Variants in RNF13 observed in about 807,000 individuals in gnomAD.
RNF13 encodes the protein ring finger protein 13, also known as E3 ubiquitin-protein ligase RNF13.
RNF13 carries 19 observed loss-of-function variants against 37.7 expected under a neutral mutation model. The ratio of observed to expected loss-of-function variants is 0.50; its 90% CI spans 0.35 to 0.74. The LOEUF (loss-of-function observed/expected upper bound fraction) is 0.74, where lower values mean the gene tolerates loss of function less well. Ranked by LOEUF, RNF13 falls within the 30% of genes least tolerant of loss-of-function variation. RNF13 has a pLI of 0.01. For synonymous variants in RNF13, 144 were observed against 157.8 expected (o/e 0.91, Z 0.65); for missense variants, 375 against 453.0 (o/e 0.83, Z 1.56).
At chr3:149,866,405 G>A (rs1234861065) in intron 3 of RNF13, among the ~76,000 whole-genome samples, 1 of 152,228 alleles carries the variant, frequency 6.6e-6, no homozygotes, top group African/African-American at 2.4e-5. Flanking sequence ...AAAGTGTCAT[G>A]GCGCTGGTGG....
chr3:149,931,051 G>A (rs1325548074), intron 8 of RNF13, among the ~76,000 whole-genome samples: 1 of 151,644 alleles, frequency 6.6e-6, no homozygotes, highest in African/African-American at 2.4e-5. Flanking sequence ...GGTTGTGTGT[G>A]TGTTTTTGTT....
chr3:149,873,312 C>G (rs1205137158), intron 4 of RNF13, among the ~76,000 whole-genome samples: 1 of 152,084 alleles, frequency 6.6e-6, no homozygotes, highest in African/African-American at 2.4e-5. Context: ...TTATAACTTT[C>G]CTTTATAGGC....
At chr3:149,906,461 A>G (rs2108509493) in intron 6 of RNF13, among the ~76,000 whole-genome samples, 2 of 152,242 alleles carry the variant, frequency 1.3e-5, no homozygotes, top group Middle Eastern at 6.8e-3. Flanking sequence ...CCAGCAATGT[A>G]TGAGGGTTCC....
intron 7 of RNF13, among the ~76,000 whole-genome samples, chr3:149,914,283 G>T (rs1003711846): frequency 5.3e-5 from 8 of 151,816 alleles, no homozygotes; most frequent in African/African-American, 1.9e-4. Flanking sequence ...CCCAGCCCTA[G>T]CATCAGACCT....
intron 6 of RNF13, among the ~76,000 whole-genome samples, chr3:149,906,489 G>A (rs917623157): frequency 4.0e-5 from 6 of 151,882 alleles, no homozygotes; most frequent in African/African-American, 1.5e-4. Flanking sequence ...CCTTCCAAAG[G>A]AATTTAATAA....
intron 2 of RNF13, among the ~76,000 whole-genome samples, chr3:149,852,024 C>T (rs1723166120): frequency 6.6e-6 from 1 of 152,114 alleles, no homozygotes; most frequent in African/African-American, 2.4e-5. Context: ...CAGTGTTCAA[C>T]CCTGGATAAA....
At chr3:149,858,712 T>A (rs545218605) in intron 3 of RNF13, among the ~76,000 whole-genome samples, 2 of 152,364 alleles carry the variant, frequency 1.3e-5, no homozygotes, top group African/African-American at 4.8e-5. Flanking sequence ...TAGACTATGC[T>A]GTTCCTACTA....
intron 8 of RNF13, chr3:149,939,777 C>T: frequency 1.7e-6 from 1 of 591,002 alleles, no homozygotes; most frequent in South Asian, 1.4e-5. Flanking sequence ...GGCTCATGTC[C>T]ATGTCCATCA....
chr3:149,915,752 CA>C (rs1717440909), intron 7 of RNF13, among the ~76,000 whole-genome samples: 1 of 152,118 alleles, frequency 6.6e-6, no homozygotes, highest in Non-Finnish European at 1.5e-5. Context: ...CACAAAAGGA[CA>C]AATACTGATT....
intron 1 of RNF13, among the ~76,000 whole-genome samples, chr3:149,829,941 A>G (rs1381104955): frequency 6.6e-6 from 1 of 151,786 alleles, no homozygotes; most frequent in Non-Finnish European, 1.5e-5. Flanking sequence ...TGGTTTTATA[A>G]AAGGGAAGTT....
chr3:149,946,419 A>G (rs1720776769), intron 8 of RNF13, among the ~76,000 whole-genome samples: 2 of 152,194 alleles, frequency 1.3e-5, no homozygotes, highest in Non-Finnish European at 2.9e-5. Context: ...TTCTCCAGTG[A>G]GGACTTCTCC....
At chr3:149,903,890 AC>A (rs1716105301) in intron 6 of RNF13, among the ~76,000 whole-genome samples, 1 of 152,018 alleles carries the variant, frequency 6.6e-6, no homozygotes, top group South Asian at 2.1e-4. Context: ...GGAATTGTAG[AC>A]CCGTACATAA....
intron 3 of RNF13, 41 bp from the exon 4 acceptor site, chr3:149,871,988 T>C: frequency 6.6e-7 from 1 of 1,526,408 alleles, no homozygotes; most frequent in Non-Finnish European, 8.8e-7. Flanking sequence ...ATTGATTTAC[T>C]GAGTGAAACA....
At chr3:149,867,600 T>G (rs1711517930) in intron 3 of RNF13, among the ~76,000 whole-genome samples, 1 of 151,772 alleles carries the variant, frequency 6.6e-6, no homozygotes, top group Non-Finnish European at 1.5e-5. Flanking sequence ...TGATTTGTAG[T>G]CTGTTTTATC....
intron 4 of RNF13, among the ~76,000 whole-genome samples, chr3:149,872,886 A>G (rs1211480336): frequency 6.6e-6 from 1 of 152,202 alleles, no homozygotes; most frequent in Non-Finnish European, 1.5e-5. Context: ...AAGAAATGAT[A>G]CCTCCATAGT....
Position 149,845,936 on chromosome 3 carries a change from G to A in RNF13, c.-16-75G>A, listed in dbSNP as rs1722600889. ...TTAAAAGGGATATTTTTGGACATTG[G>A]GAATTAATATATCAAATGATCTATT... On this transcript the variant is annotated intron_variant, in intron 1 of 9. Coordinates refer to ENST00000392894, the MANE Select transcript of RNF13 (RefSeq NM_183381.3). The A allele has an allele frequency of 1.4e-5, 10 of 713,570 alleles. No homozygotes were observed. In the South Asian group the frequency reaches 1.9e-4, roughly 13 times the overall value. 44.2% of individuals were successfully genotyped at this position (713,570 alleles called of 1,614,324 possible).
intron 6 of RNF13, among the ~76,000 whole-genome samples, chr3:149,905,969 T>C (rs1165552741): frequency 1.3e-5 from 2 of 152,198 alleles, no homozygotes; most frequent in Non-Finnish European, 2.9e-5. Context: ...CCGTACACAT[T>C]TGCAGTCACT....
rs563604818 is a variant in RNF13, at chr3:149,924,478, T to G, written c.700+3251T>G. On this transcript the variant is annotated intron_variant, in intron 8 of 9. Transcript: ENST00000392894. Reference sequence around the variant, plus strand: ...GTGGCAGCAGTGGAGACTGAGAAGGTGTGACCAATTACATAGGAAGAAAAT... The same window carrying G: ...GTGGCAGCAGTGGAGACTGAGAAGGGGTGACCAATTACATAGGAAGAAAAT... 2.6e-4 allele frequency among the ~76,000 whole-genome samples: 39 copies of G among 152,184 alleles called. No homozygotes were observed. In the South Asian group the frequency reaches 7.7e-3, roughly 30 times the overall value.
At chr3:149,821,816 T>C (rs948932530) in intron 1 of RNF13, among the ~76,000 whole-genome samples, 4 of 152,172 alleles carry the variant, frequency 2.6e-5, no homozygotes, top group Non-Finnish European at 4.4e-5. Context: ...CTGATTCATT[T>C]TGTGTTAATT....
Sources: gnomAD v4.1 joint callset for allele counts (sites outside exome capture counted in the v4.1 genomes callset) on GRCh38, gnomAD v4.1.1 for gene constraint, MANE v1.5 for transcripts, NCBI Gene and HGNC (gene_info 2026-07-23, HGNC 2026-07-21) for gene names.